SLC12A6: variants seen among roughly 807,000 people sequenced by gnomAD.
SLC12A6 encodes the protein solute carrier family 12 member 6.
Under a neutral mutation model 135.3 loss-of-function variants are expected in SLC12A6, and 66 were observed. That is an observed-to-expected ratio of 0.49 (90% CI 0.40 to 0.60). SLC12A6 has a LOEUF of 0.60. Ranked by LOEUF, SLC12A6 falls within the 20% of genes least tolerant of loss-of-function variation. SLC12A6 has a pLI of 0.00. For synonymous variants in SLC12A6, 513 were observed against 508.8 expected (o/e 1.01, Z -0.11); for missense variants, 1,058 against 1,452.3 (o/e 0.73, Z 4.41).
intron 2 of SLC12A6, among the ~76,000 whole-genome samples, chr15:34,317,156 C>CA (rs1237809838): frequency 2.3e-4 from 35 of 152,298 alleles, no homozygotes; most frequent in African/African-American, 6.3e-4. Flanking sequence ...TCATCCTATT[C>CA]AGCAAAATGA....
intron 2 of SLC12A6, among the ~76,000 whole-genome samples, chr15:34,298,424 G>A (rs1338542882): frequency 6.6e-6 from 1 of 152,034 alleles, no homozygotes; most frequent in Non-Finnish European, 1.5e-5. Flanking sequence ...GCAGTGAGCT[G>A]AGATGGTGCC....
At chr15:34,242,247 TC>T in intron 16 of SLC12A6, 26 bp from the exon 17 acceptor site, 1 of 1,545,874 alleles carries the variant, frequency 6.5e-7, no homozygotes, top group Non-Finnish European at 8.9e-7. Flanking sequence ...CAAAAAAGTA[TC>T]TTTTAAAGTA....
chr15:34,257,248 T>C (rs1892816600), intron 6 of SLC12A6, among the ~76,000 whole-genome samples: 1 of 152,096 alleles, frequency 6.6e-6, no homozygotes, highest in Non-Finnish European at 1.5e-5. Flanking sequence ...AAAAACCAAA[T>C]ACCCCTCACA....
At chr15:34,285,718 C>CACACACACACACACACACACACACACAT (rs1555385547) in intron 2 of SLC12A6, among the ~76,000 whole-genome samples, 95 of 66,094 alleles carry the variant, frequency 1.4e-3, no homozygotes, top group African/African-American at 3.4e-3. Context: ...GTGTGTTTGT[C>CACACACACACACACACACACACACACAT]ATACATAAAA....
intron 3 of SLC12A6, among the ~76,000 whole-genome samples, chr15:34,261,787 C>T (rs2140785644): frequency 6.6e-6 from 1 of 152,294 alleles, no homozygotes; most frequent in Middle Eastern, 3.4e-3. Context: ...ATTTGCATTT[C>T]TCTGATGATT....
intron 17 of SLC12A6, 103 bp downstream of exon 17, chr15:34,241,999 A>G: frequency 1.2e-6 from 1 of 849,562 alleles, no homozygotes; most frequent in Non-Finnish European, 2.0e-6. Context: ...AGTTATGAAA[A>G]TGAAGTTACC....
intron 2 of SLC12A6, among the ~76,000 whole-genome samples, chr15:34,302,869 G>C (rs1369101104): frequency 6.7e-6 from 1 of 150,216 alleles, no homozygotes; most frequent in African/African-American, 2.5e-5. Flanking sequence ...AGGATTGCTT[G>C]AGCCCAGGAG....
At chr15:34,328,967 T>A (rs1220518777) in intron 2 of SLC12A6, among the ~76,000 whole-genome samples, 1 of 152,216 alleles carries the variant, frequency 6.6e-6, no homozygotes, top group African/African-American at 2.4e-5. Context: ...AGCTTCTTGT[T>A]TTTCCACATA....
chr15:34,332,103 T>C (rs1012564620), intron 2 of SLC12A6, among the ~76,000 whole-genome samples: 1 of 152,230 alleles, frequency 6.6e-6, no homozygotes, highest in Admixed American at 6.5e-5. Context: ...CTCTATTTTA[T>C]CTTAGTTGAT....
At chr15:34,303,997 CCA>C (rs1350930420) in intron 2 of SLC12A6, among the ~76,000 whole-genome samples, 1 of 152,124 alleles carries the variant, frequency 6.6e-6, no homozygotes, top group Admixed American at 6.6e-5. Context: ...GTAGCTGTCA[CCA>C]CAATCTAATT....
Position 34,260,948 on chromosome 15 carries a change from T to G in SLC12A6, c.389A>C (p.Asp130Ala). ...SNYEEGDEYF[D>A]KNLALFEEEM... ...TACCTCAAAGAGTGCCAAATTTTTA[T>G]CAAAATATTCATCTCCTTCTTCATA... The change falls in exon 4 of 26, where the codon GAT (aspartate) becomes GCT (alanine). Residue 130 changes from aspartate (D) to alanine (A), a missense_variant. Asp to Ala is a moderately radical substitution (Grantham distance 126). Around this residue, in one of 6 missense-constraint regions of SLC12A6, gnomAD observed 176 missense variants for 168.9 expected, o/e 1.04. Coordinates refer to ENST00000354181, the MANE Select transcript of SLC12A6 (RefSeq NM_001365088.1). 6.6e-7 allele frequency: 1 copy of G among 1,506,578 alleles called. No individual in the cohort carries two copies. The highest frequency in any genetic ancestry group is 9.2e-7 in the Non-Finnish European group (1 of 1,082,152). The allele number at this position is 1,506,578 out of a possible 1,614,324, so 93.3% of individuals were successfully genotyped here.
At chr15:34,237,117 A>AT in intron 22 of SLC12A6, 1 of 469,688 alleles carries the variant, frequency 2.1e-6, no homozygotes, top group South Asian at 2.1e-5. Flanking sequence ...GCCATGTGTG[A>AT]TTTTAAGCTG....
rs746589334 is a variant in SLC12A6 at position 34,261,015 on chromosome 15, C to T, written c.322G>A (p.Gly108Arg). ...TAAGCATTTCGAGCTTTCTTATGTC[C>T]GTCGTCTGGAAAAAAAAAAGTAGAC... ...TGEHSQLLDDGHKKARNAYLN... is the reference protein window; with the variant it reads ...TGEHSQLLDDRHKKARNAYLN... Residue 108 changes from glycine (G) to arginine (R), a missense_variant, in exon 4 of 26, where the codon GGA (glycine) becomes AGA (arginine). Physicochemically the swap from Gly to Arg is moderately radical, Grantham distance 125. Transcript: ENST00000354181. 1.8e-5 allele frequency: 27 copies of T among 1,533,044 alleles called. No individual in the cohort carries two copies. In the African/African-American group the frequency reaches 1.8e-4, roughly 10 times the overall value. The allele number at this position is 1,533,044 out of a possible 1,614,324, so 95.0% of individuals were successfully genotyped here.
At chr15:34,302,467 G>A (rs1237591043) in intron 2 of SLC12A6, among the ~76,000 whole-genome samples, 7 of 151,904 alleles carry the variant, frequency 4.6e-5, no homozygotes, top group East Asian at 3.8e-4. Context: ...AGGCCGAGGC[G>A]GGTGGATCAC....
chr15:34,302,160 A>G (rs1381044552), intron 2 of SLC12A6, among the ~76,000 whole-genome samples: 1 of 152,204 alleles, frequency 6.6e-6, no homozygotes, highest in Non-Finnish European at 1.5e-5. Flanking sequence ...TTCTCAGCCT[A>G]TAACACTGAG....
chr15:34,254,547 C>T lies in SLC12A6; in HGVS notation c.919G>A (p.Ala307Thr), dbSNP rs768838620. The T allele has an allele frequency of 6.8e-6, 11 of 1,608,384 alleles. No individual in the cohort carries two copies. The highest frequency in any genetic ancestry group is 3.3e-4 in the Middle Eastern group (2 of 6,076). ...PRAAIFHSDD[A>T]LKESAAMLNN... ...AGCATGGCTGCTGATTCCTTGAGTG[C>T]GTCATCACTGTGAAAGATGGCAGCT... The change falls in exon 9 of 26, where the codon GCA (alanine) becomes ACA (threonine). Residue 307 changes from alanine (A) to threonine (T), a missense_variant. Physicochemically the swap from Ala to Thr is moderately conservative, Grantham distance 58 (BLOSUM62 0). Coordinates refer to ENST00000354181, the MANE Select transcript of SLC12A6 (RefSeq NM_001365088.1).
chr15:34,242,932 A>C (rs936497807), intron 16 of SLC12A6, among the ~76,000 whole-genome samples: 4 of 152,124 alleles, frequency 2.6e-5, no homozygotes, highest in Non-Finnish European at 5.9e-5. Context: ...CGGGAGGCTG[A>C]GGCAGGAGAA....
chr15:34,308,412 G>T (rs1048277002), intron 2 of SLC12A6, among the ~76,000 whole-genome samples: 19 of 152,064 alleles, frequency 1.2e-4, no homozygotes, highest in African/African-American at 4.6e-4. Context: ...ATCACTTGAG[G>T]TCAGGAGTTT....
At chr15:34,312,492 A>G (rs763673080) in intron 2 of SLC12A6, among the ~76,000 whole-genome samples, 1 of 152,230 alleles carries the variant, frequency 6.6e-6, no homozygotes, top group Non-Finnish European at 1.5e-5. Flanking sequence ...AGAATCAAGT[A>G]AACAGATTAT....
Sources: gnomAD v4.1 joint callset for allele counts (sites outside exome capture counted in the v4.1 genomes callset) on GRCh38, gnomAD v4.1.1 for gene constraint, gnomAD v4.1.1 regional missense constraint, MANE v1.5 for transcripts, NCBI Gene and HGNC (gene_info 2026-07-23, HGNC 2026-07-21) for gene names.